The following PTBP3 variants were observed in gnomAD, a reference collection of about 807,000 sequenced individuals.
PTBP3 encodes the protein polypyrimidine tract binding protein 3.
Under a neutral mutation model 58.7 loss-of-function variants are expected in PTBP3, and 20 were observed. The observed-to-expected ratio is 0.34, with a 90% CI of 0.24 to 0.50. The LOEUF (loss-of-function observed/expected upper bound fraction) is 0.50, where lower values mean the gene tolerates loss of function less well. PTBP3 is among the 20% of genes least tolerant of loss of function. PTBP3 has a pLI of 0.98. For synonymous variants in PTBP3, 185 were observed against 219.8 expected (o/e 0.84, Z 1.40); for missense variants, 509 against 637.2 (o/e 0.80, Z 2.17).
chr9:112,248,683 C>T (rs1410405851), intron 7 of PTBP3, among the ~76,000 whole-genome samples: 1 of 152,142 alleles, frequency 6.6e-6, no homozygotes, highest in East Asian at 1.9e-4. Context: ...TTTAATCTCA[C>T]AATGCAGTTA....
chr9:112,230,832 G>T (rs193123685), intron 10 of PTBP3, among the ~76,000 whole-genome samples: 43 of 152,264 alleles, frequency 2.8e-4, no homozygotes, highest in African/African-American at 8.4e-4. Flanking sequence ...AAAGTTTGGA[G>T]ACTATTTTTA....
the PTBP3 span, among the ~76,000 whole-genome samples, chr9:112,363,346 C>G: frequency 2.6e-5 from 4 of 151,850 alleles, no homozygotes; most frequent in African/African-American, 9.7e-5. Flanking sequence ...GGAGTTCAAG[C>G]CCAGCCTGGG....
intron 5 of PTBP3, among the ~76,000 whole-genome samples, chr9:112,257,940 C>CAA (rs56934009): frequency 1.8e-3 from 212 of 118,416 alleles, no homozygotes; most frequent in Middle Eastern, 4.5e-3. Flanking sequence ...GACTCCATCT[C>CAA]AAAAAAAAAA....
the PTBP3 span, among the ~76,000 whole-genome samples, chr9:112,352,660 A>G: frequency 1.3e-5 from 2 of 152,336 alleles, no homozygotes; most frequent in Admixed American, 1.3e-4. Flanking sequence ...CTTCAGGAAC[A>G]TCTCGTTTAC....
chr9:112,275,843 C>G lies in PTBP3; in HGVS notation c.204+1G>C, dbSNP rs1827586349. ...TTTGTCAATCTTTAAATATTACATA[C>G]CTGGCTTTTTCCTTTCAACATCAAA... On this transcript the variant is annotated splice_donor_variant, in intron 3 of 13. Coordinates refer to ENST00000374257, the MANE Select transcript of PTBP3 (RefSeq NM_001163788.4). LOFTEE classifies it high-confidence loss of function. The G allele has an allele frequency of 6.2e-7, 1 of 1,601,912 alleles. No homozygotes were observed. Among genetic ancestry groups the G allele is most frequent in the Non-Finnish European group, 8.6e-7 (1 of 1,169,566 alleles).
intron 1 of PTBP3, among the ~76,000 whole-genome samples, chr9:112,302,355 T>G (rs945477700): frequency 3.3e-5 from 5 of 151,960 alleles, no homozygotes; most frequent in Non-Finnish European, 5.9e-5. Flanking sequence ...ATTTGAGAAG[T>G]CAAAAGCGCA....
intron 12 of PTBP3, among the ~76,000 whole-genome samples, chr9:112,224,509 T>G (rs989186181): frequency 2.6e-5 from 4 of 152,238 alleles, no homozygotes; most frequent in African/African-American, 9.6e-5. Flanking sequence ...TTTATTCTTA[T>G]TAGTCATACC....
Position 112,223,713 on chromosome 9 carries a change from T to G in PTBP3, c.*138A>C. 7.3e-7 allele frequency: 1 copy of G among 1,370,630 alleles called. No homozygotes were observed. The highest frequency in any genetic ancestry group is 9.4e-7 in the Non-Finnish European group (1 of 1,066,008). 84.9% of individuals were successfully genotyped at this position (1,370,630 alleles called of 1,614,324 possible). A position where few individuals can be genotyped will look rare whatever the true frequency, so the allele number is the denominator to read the frequency against. ...AATACAAAAAAAAAAAATCCCTTGA[T>G]TTTTAAAATATACTTGAATATCAAA... On this transcript the variant is annotated 3_prime_UTR_variant, in exon 14 of 14. Coordinates refer to ENST00000374257, the MANE Select transcript of PTBP3 (RefSeq NM_001163788.4).
the PTBP3 span, among the ~76,000 whole-genome samples, chr9:112,355,058 C>T: frequency 6.6e-6 from 1 of 152,096 alleles, no homozygotes; most frequent in Non-Finnish European, 1.5e-5. Context: ...GGAAATATCT[C>T]CAAGGGAACT....
chr9:112,308,816 C>T (rs143404516), intron 1 of PTBP3, among the ~76,000 whole-genome samples: 1 of 152,236 alleles, frequency 6.6e-6, no homozygotes, highest in African/African-American at 2.4e-5. Flanking sequence ...ATAAGTCCAG[C>T]AGTTGCTCTG....
intron 2 of PTBP3, among the ~76,000 whole-genome samples, chr9:112,285,953 A>G (rs927387372): frequency 2.0e-5 from 3 of 152,184 alleles, no homozygotes; most frequent in South Asian, 2.1e-4. Flanking sequence ...GTTTTGTTCT[A>G]TTAGTTTTCA....
intron 1 of PTBP3, chr9:112,330,509 CAAAGTT>C: frequency 7.0e-7 from 1 of 1,430,050 alleles, no homozygotes; most frequent in African/African-American, 1.5e-5. Flanking sequence ...AAATGGAAAA[CAAAGTT>C]AGAGAACAAG....
At chr9:112,243,530 A>T (rs1835746676) in intron 7 of PTBP3, among the ~76,000 whole-genome samples, 1 of 152,004 alleles carries the variant, frequency 6.6e-6, no homozygotes, top group Admixed American at 6.6e-5. Context: ...CAACAGATCG[A>T]GACTCTGTCT....
At chr9:112,372,121 G>A in the PTBP3 span, among the ~76,000 whole-genome samples, 1 of 151,966 alleles carries the variant, frequency 6.6e-6, no homozygotes, top group Non-Finnish European at 1.5e-5. Flanking sequence ...CACCAAGGCT[G>A]GAGTGTAGTG....
chr9:112,227,736 T>TATA (rs1291077943), intron 11 of PTBP3, 109 bp from the exon 12 acceptor site: 1 of 864,744 alleles, frequency 1.2e-6, no homozygotes, highest in African/African-American at 1.7e-5. Context: ...AAAACTGTAT[T>TATA]ATCAGTTTGA....
intron 5 of PTBP3, among the ~76,000 whole-genome samples, chr9:112,253,709 G>C (rs948103183): frequency 1.3e-5 from 2 of 151,986 alleles, no homozygotes; most frequent in Admixed American, 1.3e-4. Context: ...CTCGTGATAG[G>C]GAGTTCTCAA....
chr9:112,297,853 T>C lies in PTBP3; in HGVS notation c.13A>G (p.Thr5Ala), dbSNP rs1221873772. Reference sequence around the variant, plus strand: ...TCACCATACACACCTGTAGAAGGAGTAGAACTATTCATGGTAAAAGGTCCG... The same window carrying C: ...TCACCATACACACCTGTAGAAGGAGCAGAACTATTCATGGTAAAAGGTCCG... MNSS[T>A]PSTGVYANGN... Residue 5 changes from threonine to alanine, a missense_variant, in exon 2 of 14, where the codon ACT (threonine) becomes GCT (alanine). Physicochemically the swap from Thr to Ala is moderately conservative, Grantham distance 58. Coordinates refer to ENST00000374257, the MANE Select transcript of PTBP3 (RefSeq NM_001163788.4). 3.2e-6 allele frequency: 5 copies of C among 1,586,274 alleles called. No individual in the cohort carries two copies. Among genetic ancestry groups the C allele is most frequent in the Non-Finnish European group, 4.3e-6 (5 of 1,168,354 alleles).
chr9:112,232,229 A>C lies in PTBP3; in HGVS notation c.890T>G (p.Val297Gly). The C allele has an allele frequency of 6.2e-7, 1 of 1,600,640 alleles. No homozygotes were observed. Residue 297 changes from valine to glycine, a missense_variant, in exon 9 of 14, where the codon GTT becomes GGT. Transcript: ENST00000374257. ...IGFPQATGLS[V>G]PAVPGALGPL... is the part of the protein sequence containing the mutation. ...ACCAAGAGCTCCAGGAACAGCTGGA[A>C]CTGATAGACCTTTTAAAAATACCAA...
chr9:112,355,072 C>G, the PTBP3 span, among the ~76,000 whole-genome samples: 1 of 152,136 alleles, frequency 6.6e-6, no homozygotes, highest in Non-Finnish European at 1.5e-5. Context: ...GGGAACTGAA[C>G]TTGGACTACC....
Sources: gnomAD v4.1 joint callset for allele counts (sites outside exome capture counted in the v4.1 genomes callset) on GRCh38, gnomAD v4.1.1 for gene constraint, MANE v1.5 for transcripts, NCBI Gene and HGNC (gene_info 2026-07-23, HGNC 2026-07-21) for gene names.